Variants in KHDRBS3 observed in about 807,000 individuals in gnomAD.
The protein encoded by KHDRBS3 is KH domain-containing, RNA-binding, signal transduction-associated protein 3.
KHDRBS3 carries 23 observed loss-of-function variants against 45.6 expected under a neutral mutation model. The observed-to-expected ratio is 0.50, with a 90% CI of 0.36 to 0.72. The LOEUF is 0.72. Ranked by LOEUF, KHDRBS3 falls within the 30% of genes least tolerant of loss-of-function variation. The probability of loss-of-function intolerance (pLI) is 0.00; values close to 1 mark genes in which losing one functional copy is unlikely to be tolerated. For synonymous variants in KHDRBS3, 162 were observed against 156.5 expected (o/e 1.04, Z -0.26); for missense variants, 352 against 424.8 (o/e 0.83, Z 1.51).
At chr8:135,618,685 C>T (rs1355005207) in intron 7 of KHDRBS3, among the ~76,000 whole-genome samples, 1 of 152,094 alleles carries the variant, frequency 6.6e-6, no homozygotes. Context: ...GTAAGATAGT[C>T]AATTCCAAAG....
At chr8:135,566,650 T>G (rs191077285) in intron 5 of KHDRBS3, among the ~76,000 whole-genome samples, 1 of 152,144 alleles carries the variant, frequency 6.6e-6, no homozygotes, top group Non-Finnish European at 1.5e-5. Flanking sequence ...AGCCCATGAG[T>G]TTGTGACCAG....
chr8:135,621,890 A>AT (rs889259823), intron 7 of KHDRBS3, among the ~76,000 whole-genome samples: 118 of 149,428 alleles, frequency 7.9e-4, no homozygotes, highest in South Asian at 2.4e-3. Flanking sequence ...AGTTCCACAG[A>AT]TTTTTTTTTT....
intron 1 of KHDRBS3, among the ~76,000 whole-genome samples, chr8:135,473,697 T>C (rs1436097957): frequency 1.3e-5 from 2 of 152,084 alleles, no homozygotes; most frequent in Admixed American, 1.3e-4. Flanking sequence ...TTATTTTGAG[T>C]GGAGCATAGG....
intron 7 of KHDRBS3, among the ~76,000 whole-genome samples, chr8:135,626,527 G>A (rs1461449781): frequency 1.3e-5 from 2 of 151,734 alleles, no homozygotes; most frequent in Admixed American, 1.3e-4. Flanking sequence ...GTGGGGGCCG[G>A]GCGCGGTGGC....
chr8:135,569,845 C>T (rs1827615898), intron 5 of KHDRBS3, among the ~76,000 whole-genome samples: 1 of 152,144 alleles, frequency 6.6e-6, no homozygotes, highest in African/African-American at 2.4e-5. Flanking sequence ...GACCTTGTTT[C>T]CTGTTCCCCC....
chr8:135,606,633 G>A (rs563952318), intron 6 of KHDRBS3, among the ~76,000 whole-genome samples: 7 of 152,022 alleles, frequency 4.6e-5, no homozygotes, highest in Admixed American at 1.3e-4. Flanking sequence ...TTAGAATAGC[G>A]CAAAGCTCAC....
intron 5 of KHDRBS3, among the ~76,000 whole-genome samples, chr8:135,559,261 G>A (rs1469368320): frequency 6.6e-6 from 1 of 151,740 alleles, no homozygotes; most frequent in Non-Finnish European, 1.5e-5. Flanking sequence ...AATTTTGAGT[G>A]ACCTACTAGT....
intron 2 of KHDRBS3, among the ~76,000 whole-genome samples, chr8:135,521,697 G>C (rs1824917682): frequency 6.6e-6 from 1 of 151,934 alleles, no homozygotes; most frequent in African/African-American, 2.4e-5. Flanking sequence ...GGTACATAAA[G>C]GTTCAAAAAT....
chr8:135,620,727 G>A (rs1346285943), intron 7 of KHDRBS3, among the ~76,000 whole-genome samples: 1 of 152,144 alleles, frequency 6.6e-6, no homozygotes, highest in Non-Finnish European at 1.5e-5. Flanking sequence ...TGGATGAGTA[G>A]TTACACCATC....
intron 5 of KHDRBS3, among the ~76,000 whole-genome samples, chr8:135,576,986 A>G (rs1447867797): frequency 6.6e-6 from 1 of 152,124 alleles, no homozygotes; most frequent in Non-Finnish European, 1.5e-5. Context: ...GGCTCCCACC[A>G]TTCTTTTATT....
intron 1 of KHDRBS3, among the ~76,000 whole-genome samples, chr8:135,481,704 A>G (rs548230791): frequency 6.6e-6 from 1 of 152,338 alleles, no homozygotes; most frequent in African/African-American, 2.4e-5. Context: ...TACATCGTCG[A>G]CTAACGTTGT....
At chr8:135,601,575 G>T (rs1586786181) in intron 6 of KHDRBS3, among the ~76,000 whole-genome samples, 1 of 152,208 alleles carries the variant, frequency 6.6e-6, no homozygotes, top group South Asian at 2.1e-4. Context: ...GTAGACTGGG[G>T]CTTGTCACAA....
intron 1 of KHDRBS3, among the ~76,000 whole-genome samples, chr8:135,469,509 TTTTTTTTGTTTTG>T (rs1563699553): frequency 4.4e-5 from 1 of 22,558 alleles, no homozygotes; most frequent in African/African-American, 1.2e-4. Flanking sequence ...GGATGGTGTT[TTTTTTTTGTTTTG>T]GTTTTTTTTT....
rs556040044 is a variant in KHDRBS3 at position 135,518,242 on chromosome 8, C to G, written c.89-2995C>G. On this transcript the variant is annotated intron_variant, in intron 1 of 8. Transcript: ENST00000355849. ...GGGTGGAGGTGCAGTGACACGATCT[C>G]ACCTCACTGCAAGCTCCGCCTCCCG... Among the ~76,000 whole-genome samples, 14 of 152,178 alleles carry G rather than the reference C, an allele frequency of 9.2e-5. No individual in the cohort carries two copies. In the South Asian group the frequency reaches 2.9e-3, roughly 32 times the overall value.
chr8:135,512,690 A>G (rs1824364876), intron 1 of KHDRBS3, among the ~76,000 whole-genome samples: 1 of 152,238 alleles, frequency 6.6e-6, no homozygotes, highest in African/African-American at 2.4e-5. Context: ...CCATTTGTGC[A>G]GCCATTATCC....
chr8:135,623,716 G>A (rs1830246036), intron 7 of KHDRBS3, among the ~76,000 whole-genome samples: 1 of 152,158 alleles, frequency 6.6e-6, no homozygotes, highest in African/African-American at 2.4e-5. Flanking sequence ...CCGCAAAAGA[G>A]AAATAGCACC....
At chr8:135,647,749 TA>T (rs1831351104), downstream of KHDRBS3, 1 of 152,212 alleles carries the variant, frequency 6.6e-6, no homozygotes, top group Admixed American at 6.5e-5. Context: ...CAACTTATTT[TA>T]AAAATGGTAT....
At chr8:135,539,497 A>G (rs963706124) in intron 2 of KHDRBS3, 4 of 152,290 alleles carry the variant, frequency 2.6e-5, no homozygotes, top group African/African-American at 9.6e-5. Context: ...GTTCCACAGT[A>G]GGTGGGTCTT....
chr8:135,463,794 C>T (rs1337053232), intron 1 of KHDRBS3, among the ~76,000 whole-genome samples: 1 of 152,170 alleles, frequency 6.6e-6, no homozygotes, highest in African/African-American at 2.4e-5. Context: ...TCAAAAGCCC[C>T]ATTTGCCTGT....
Sources: allele counts gnomAD v4.1 joint callset (sites outside exome capture counted in the v4.1 genomes callset), GRCh38; gene constraint gnomAD v4.1.1; transcripts MANE v1.5; gene names NCBI Gene and HGNC (gene_info 2026-07-23, HGNC 2026-07-21).